Variants in CBLB observed in about 807,000 individuals in gnomAD.
CBLB encodes E3 ubiquitin-protein ligase CBL-B.
Under a neutral mutation model 104.9 loss-of-function variants are expected in CBLB, and 31 were observed. The observed-to-expected ratio is 0.30, with a 90% CI of 0.22 to 0.40. CBLB has a LOEUF of 0.40. CBLB is among the 10% of genes least tolerant of loss of function. The pLI, the probability that CBLB is intolerant of heterozygous loss-of-function variation, is 1.00. For missense variants in CBLB, 1,062 were observed against 1,214.6 expected, an observed-to-expected ratio of 0.87 and a Z score of 1.87; for synonymous variants, 440 against 422.6, an observed-to-expected ratio of 1.04 and a Z score of -0.51.
At chr3:105,869,279 C>G (rs994611533), upstream of CBLB, 7 of 947,534 alleles carry the variant, frequency 7.4e-6, no homozygotes, top group South Asian at 8.2e-5. Context: ...CTCCCGGGAA[C>G]GAAAGTGGAA....
chr3:105,803,186 A>G (rs902761664), intron 3 of CBLB, among the ~76,000 whole-genome samples: 1 of 152,196 alleles, frequency 6.6e-6, no homozygotes, highest in African/African-American at 2.4e-5. Flanking sequence ...GTAATACGTA[A>G]TTTTTAGTTG....
chr3:105,715,958 G>T (rs969842216), intron 10 of CBLB, among the ~76,000 whole-genome samples: 1 of 152,186 alleles, frequency 6.6e-6, no homozygotes, highest in African/African-American at 2.4e-5. Context: ...AAAATCACTT[G>T]AACCAGGGAG....
intron 12 of CBLB, among the ~76,000 whole-genome samples, chr3:105,700,201 T>G (rs1235555080): frequency 6.6e-6 from 1 of 152,018 alleles, no homozygotes; most frequent in Non-Finnish European, 1.5e-5. Context: ...TGGGGTAACA[T>G]CTCATAAAAA....
At chr3:105,780,670 T>TTTTTTTTTTTTG (rs1560209728) in intron 3 of CBLB, among the ~76,000 whole-genome samples, 5 of 135,174 alleles carry the variant, frequency 3.7e-5, no homozygotes, top group Admixed American at 7.8e-5. Flanking sequence ...GTTTTTTTTT[T>TTTTTTTTTTTTG]TTTTTTTTTT....
chr3:105,713,288 A>G lies in CBLB; in HGVS notation c.1407+6759T>C, dbSNP rs558062121. Among the ~76,000 whole-genome samples, 15 of 152,184 alleles carry G rather than the reference A, an allele frequency of 9.9e-5. No homozygotes were observed. The South Asian group carries it at 2.7e-3, about 27-fold the overall frequency. On this transcript the variant is annotated intron_variant, in intron 10 of 18. Transcript: ENST00000394030. ...GTGTTAAATAAAACAAGGCACATAGATACTAAGTAGGAAAACTAGAAGATG... is the reference window on the plus strand; with the variant it reads ...GTGTTAAATAAAACAAGGCACATAGGTACTAAGTAGGAAAACTAGAAGATG...
At chr3:105,670,504 T>A (rs2064957647) in intron 17 of CBLB, 152 bp from the exon 18 acceptor site, 1 of 635,200 alleles carries the variant, frequency 1.6e-6, no homozygotes, top group South Asian at 2.0e-5. Context: ...TTTTACTGCC[T>A]GCATATTTTC....
intron 4 of CBLB, among the ~76,000 whole-genome samples, chr3:105,757,498 T>C (rs1033563545): frequency 2.6e-5 from 4 of 152,194 alleles, no homozygotes; most frequent in East Asian, 1.9e-4. Context: ...CAGCAAGGTA[T>C]TACTACTTTA....
intron 9 of CBLB, among the ~76,000 whole-genome samples, chr3:105,721,242 C>T (rs2072775145): frequency 6.6e-6 from 1 of 152,146 alleles, no homozygotes; most frequent in African/African-American, 2.4e-5. Context: ...ATGCAGAGAG[C>T]TGACGTCTTT....
intron 4 of CBLB, among the ~76,000 whole-genome samples, chr3:105,757,960 C>A (rs1350651750): frequency 6.6e-6 from 1 of 152,112 alleles, no homozygotes; most frequent in Non-Finnish European, 1.5e-5. Context: ...AAACAGAGGG[C>A]AAGCTTTGTT....
chr3:105,831,921 A>T (rs1367951800), intron 3 of CBLB, among the ~76,000 whole-genome samples: 1 of 152,034 alleles, frequency 6.6e-6, no homozygotes, highest in Non-Finnish European at 1.5e-5. Context: ...TTTCCAATTA[A>T]GGGAACCAAA....
At chr3:105,812,726 T>A (rs2084478980) in intron 3 of CBLB, among the ~76,000 whole-genome samples, 2 of 152,214 alleles carry the variant, frequency 1.3e-5, no homozygotes, top group African/African-American at 4.8e-5. Flanking sequence ...TAGGTGATAT[T>A]TAGATGTGGT....
chr3:105,753,221 A>G (rs143370388), intron 4 of CBLB, among the ~76,000 whole-genome samples: 2 of 152,268 alleles, frequency 1.3e-5, no homozygotes, highest in Non-Finnish European at 2.9e-5. Context: ...TTAAAAGAAG[A>G]AAAATATGAG....
rs749284958 is a variant in CBLB, at chr3:105,720,283, G to C, written c.1204-33C>G. On this transcript the variant is annotated intron_variant, in intron 9 of 18. Transcript: ENST00000394030. ...AATAGAAAATGCATGGATTGGTTTT[G>C]TTCAAAATAAACAGTACCGAGAAAT... 4 of 1,565,090 alleles carry C rather than the reference G, an allele frequency of 2.6e-6. No homozygotes were observed. In the Admixed American group the frequency reaches 7.0e-5, roughly 27 times the overall value.
intron 3 of CBLB, among the ~76,000 whole-genome samples, chr3:105,804,781 T>G (rs1219802932): frequency 6.6e-6 from 1 of 152,134 alleles, no homozygotes; most frequent in Non-Finnish European, 1.5e-5. Flanking sequence ...CTATTTCTCT[T>G]TAGTTTTTAC....
At chr3:105,747,108 G>T (rs1473209527) in intron 5 of CBLB, among the ~76,000 whole-genome samples, 1 of 152,112 alleles carries the variant, frequency 6.6e-6, no homozygotes, top group Non-Finnish European at 1.5e-5. Context: ...AGTTACCAGG[G>T]CAAGAGAAAA....
chr3:105,683,684 A>G (rs926808663), intron 14 of CBLB, among the ~76,000 whole-genome samples: 1 of 152,230 alleles, frequency 6.6e-6, no homozygotes, highest in African/African-American at 2.4e-5. Flanking sequence ...ATGAGAAGGA[A>G]TATCTTTTGT....
chr3:105,783,406 T>C lies in CBLB; in HGVS notation c.420-6864A>G, dbSNP rs527712976. Among the ~76,000 whole-genome samples, 6 of 152,328 alleles carry C rather than the reference T, an allele frequency of 3.9e-5. No homozygotes were observed. In the South Asian group the frequency reaches 8.3e-4, roughly 21 times the overall value. ...ATATAACTATCATCCAATAAACTGA[T>C]GGCTCTCTTACTAAGGTAAGAGAAT... is the stretch of plus-strand genomic sequence containing the variant. On this transcript the variant is annotated intron_variant, in intron 3 of 18. Transcript: ENST00000394030.
Position 105,693,475 on chromosome 3 carries a change from C to T in CBLB, c.2054+19G>A. 6.4e-7 allele frequency: 1 copy of T among 1,557,614 alleles called. No homozygotes were observed. Among genetic ancestry groups the T allele is most frequent in the Non-Finnish European group, 8.9e-7 (1 of 1,129,462 alleles). ...TCTTGATGCATAGACAAGTGATCTC[C>T]AAATTCAACAAAACTCACTTTATGC... On this transcript the variant is annotated intron_variant, in intron 13 of 18. Transcript: ENST00000394030.
chr3:105,814,584 G>A (rs1248413309), intron 3 of CBLB, among the ~76,000 whole-genome samples: 1 of 110,378 alleles, frequency 9.1e-6, no homozygotes, highest in Non-Finnish European at 2.0e-5. Context: ...AGCAAGTTAT[G>A]CTGAGTCTCT....
Sources: allele counts gnomAD v4.1 joint callset (sites outside exome capture counted in the v4.1 genomes callset), GRCh38; gene constraint gnomAD v4.1.1; transcripts MANE v1.5; gene names NCBI Gene and HGNC (gene_info 2026-07-23, HGNC 2026-07-21).